The following CNTN5 variants were observed in gnomAD, a reference collection of about 807,000 sequenced individuals.
The protein encoded by CNTN5 is contactin-5.
A neutral mutation model predicts 129.1 loss-of-function variants in CNTN5; 77 were observed. That is an observed-to-expected ratio of 0.60 (90% CI 0.50 to 0.72). The LOEUF (loss-of-function observed/expected upper bound fraction) is 0.72, where lower values mean the gene tolerates loss of function less well. CNTN5 is among the 30% of genes least tolerant of loss of function. The pLI is 0.00. For synonymous variants in CNTN5, 509 were observed against 465.6 expected (o/e 1.09, Z -1.20); for missense variants, 1,478 against 1,328.8 (o/e 1.11, Z -1.75).
At chr11:99,946,290 A>G (rs1044975980) in intron 7 of CNTN5, among the ~76,000 whole-genome samples, 2 of 152,136 alleles carry the variant, frequency 1.3e-5, no homozygotes, top group African/African-American at 2.4e-5. Context: ...AATAGTTTCT[A>G]GTCTTGAGAT....
intron 3 of CNTN5, among the ~76,000 whole-genome samples, chr11:99,795,073 T>G (rs1209276215): frequency 1.3e-5 from 2 of 152,214 alleles, no homozygotes; most frequent in Non-Finnish European, 2.9e-5. Flanking sequence ...AATCATAGAT[T>G]TGCTTTCTAT....
At chr11:100,129,644 T>C (rs1008696478) in intron 13 of CNTN5, among the ~76,000 whole-genome samples, 3 of 152,104 alleles carry the variant, frequency 2.0e-5, no homozygotes, top group Admixed American at 6.6e-5. Context: ...TTTACATACA[T>C]TTAAATTGAC....
intron 3 of CNTN5, among the ~76,000 whole-genome samples, chr11:99,647,353 C>G (rs78972745): frequency 6.6e-6 from 1 of 151,902 alleles, no homozygotes; most frequent in Non-Finnish European, 1.5e-5. Context: ...TGGCTACAAA[C>G]GTGGATTTAT....
At chr11:99,910,733 G>A (rs1033556669) in intron 6 of CNTN5, among the ~76,000 whole-genome samples, 1 of 152,146 alleles carries the variant, frequency 6.6e-6, no homozygotes, top group African/African-American at 2.4e-5. Context: ...TATGTTAGTA[G>A]CTAGTGTAAC....
At chr11:99,527,421 G>A (rs1947527485) in intron 2 of CNTN5, among the ~76,000 whole-genome samples, 1 of 151,968 alleles carries the variant, frequency 6.6e-6, no homozygotes, top group African/African-American at 2.4e-5. Context: ...GAGACACCAA[G>A]TCTTTAATAA....
chr11:99,039,282 A>G (rs1456400814), intron 1 of CNTN5, among the ~76,000 whole-genome samples: 2 of 152,178 alleles, frequency 1.3e-5, no homozygotes, highest in African/African-American at 4.8e-5. Flanking sequence ...ATATTTAAGA[A>G]TGGGAGCAGA....
In CNTN5 at chr11:99,574,761, G is replaced by GT. The variant is rs552700073; in HGVS notation, c.55+18501dup. On this transcript the variant is annotated intron_variant, in intron 3 of 24. Coordinates refer to ENST00000524871, the MANE Select transcript of CNTN5 (RefSeq NM_014361.4). Reference sequence around the variant, plus strand: ...TGCCCACTTTTTGATGGGGTTGTTTGTTTTTTTTTCCTGTAAACGTGTTTT... The same window carrying GT: ...TGCCCACTTTTTGATGGGGTTGTTTGTTTTTTTTTTCCTGTAAACGTGTTTT... Among the ~76,000 whole-genome samples the GT allele has an allele frequency of 6.9e-3, 1,032 of 150,290 alleles. 7 individuals are homozygous for GT. Among genetic ancestry groups the GT allele is most frequent in the South Asian group, 0.013 (61 of 4,754 alleles).
At chr11:99,846,149 C>T (rs56195544) in intron 6 of CNTN5, among the ~76,000 whole-genome samples, 5,410 of 151,204 alleles carry the variant, frequency 0.036, 142 homozygotes, top group East Asian at 0.1. Context: ...CACACACACA[C>T]ACACACACAC....
intron 2 of CNTN5, among the ~76,000 whole-genome samples, chr11:99,384,551 G>A (rs1055618813): frequency 3.9e-5 from 6 of 152,260 alleles, no homozygotes; most frequent in South Asian, 2.1e-4. Context: ...AAACTGGTCC[G>A]TGGTGTTTGT....
intron 3 of CNTN5, among the ~76,000 whole-genome samples, chr11:99,706,811 A>G (rs926094508): frequency 1.3e-5 from 2 of 150,570 alleles, no homozygotes; most frequent in African/African-American, 2.4e-5. Flanking sequence ...TTCCTATCAT[A>G]ATCAAATGTT....
intron 6 of CNTN5, among the ~76,000 whole-genome samples, chr11:99,911,152 C>T (rs1317894552): frequency 6.6e-6 from 1 of 151,832 alleles, no homozygotes; most frequent in Non-Finnish European, 1.5e-5. Context: ...TATAATTTGC[C>T]TTTTCAATGG....
At chr11:99,724,957 A>AT (rs1383321593) in intron 3 of CNTN5, among the ~76,000 whole-genome samples, 1 of 152,290 alleles carries the variant, frequency 6.6e-6, no homozygotes, top group Admixed American at 6.5e-5. Flanking sequence ...AAGATAAAAG[A>AT]TTTTTTGCGC....
intron 13 of CNTN5, among the ~76,000 whole-genome samples, chr11:100,113,632 A>G (rs1945742455): frequency 6.6e-6 from 1 of 151,980 alleles, no homozygotes; most frequent in Admixed American, 6.6e-5. Context: ...ATTACATAGC[A>G]TATGACAATA....
At chr11:100,090,836 GTT>G (rs528577074) in intron 13 of CNTN5, among the ~76,000 whole-genome samples, 2 of 151,970 alleles carry the variant, frequency 1.3e-5, no homozygotes, top group South Asian at 4.2e-4. Context: ...GCTTAAAGTT[GTT>G]TTCTCTCTCT....
chr11:100,314,869 T>C (rs1193593669), intron 21 of CNTN5, among the ~76,000 whole-genome samples: 1 of 152,150 alleles, frequency 6.6e-6, no homozygotes, highest in East Asian at 1.9e-4. Context: ...ATCTCACATT[T>C]CCCTGACCTG....
intron 2 of CNTN5, among the ~76,000 whole-genome samples, chr11:99,484,002 G>T (rs1316285365): frequency 6.6e-6 from 1 of 151,948 alleles, no homozygotes; most frequent in Admixed American, 6.6e-5. Context: ...TCTGAAAAAA[G>T]ATTTGATGAT....
chr11:99,063,351 G>A (rs560399525), intron 1 of CNTN5, among the ~76,000 whole-genome samples: 1 of 152,006 alleles, frequency 6.6e-6, no homozygotes, highest in Admixed American at 6.6e-5. Flanking sequence ...TTGAGGAGGA[G>A]CATCAAAGAA....
At chr11:100,146,886 C>G (rs1165617354) in intron 13 of CNTN5, among the ~76,000 whole-genome samples, 1 of 152,114 alleles carries the variant, frequency 6.6e-6, no homozygotes, top group Non-Finnish European at 1.5e-5. Flanking sequence ...ATATATTTCA[C>G]TAAGCAATGC....
chr11:99,584,247 A>G (rs1007601124), intron 3 of CNTN5, among the ~76,000 whole-genome samples: 1 of 152,200 alleles, frequency 6.6e-6, no homozygotes, highest in Non-Finnish European at 1.5e-5. Context: ...TAACACTCAG[A>G]GTATTAAAAT....
Sources: gnomAD v4.1 joint callset for allele counts (sites outside exome capture counted in the v4.1 genomes callset) on GRCh38, gnomAD v4.1.1 for gene constraint, MANE v1.5 for transcripts, NCBI Gene and HGNC (gene_info 2026-07-23, HGNC 2026-07-21) for gene names.